The following SV2C variants were observed in gnomAD, a reference collection of about 807,000 sequenced individuals.
SV2C encodes solute carrier family 22 member B3.
Under a neutral mutation model 79.7 loss-of-function variants are expected in SV2C, and 49 were observed. The observed-to-expected ratio is 0.61, with a 90% CI of 0.49 to 0.78. SV2C has a LOEUF of 0.78. Among genes scored for constraint, SV2C ranks in the 30% least tolerant of loss-of-function variants. The pLI is 0.00. For missense variants in SV2C, 833 were observed against 912.9 expected (o/e 0.91, Z 1.13); for synonymous variants, 334 against 333.2 (o/e 1.00, Z -0.03).
intron 4 of SV2C, among the ~76,000 whole-genome samples, chr5:76,234,765 T>C (rs545038993): frequency 6.6e-6 from 1 of 152,298 alleles, no homozygotes; most frequent in East Asian, 1.9e-4. Flanking sequence ...AGTGAAAAAC[T>C]GAAGCTTCCT....
At chr5:75,870,775 G>A in the SV2C span, among the ~76,000 whole-genome samples, 2 of 151,196 alleles carry the variant, frequency 1.3e-5, no homozygotes, top group Non-Finnish European at 3.0e-5. Context: ...TAAAGAGAAC[G>A]GAAACAAATA....
the SV2C span, among the ~76,000 whole-genome samples, chr5:76,073,526 TATATATATATATATATATAC>T: frequency 4.5e-3 from 567 of 127,272 alleles, 8 homozygotes; most frequent in Admixed American, 7.8e-3. Flanking sequence ...TATATATATA[TATATATATATATATATATAC>T]ACCATGGAAT....
chr5:76,106,779 C>T (rs184883119), intron 1 of SV2C, among the ~76,000 whole-genome samples: 5 of 152,308 alleles, frequency 3.3e-5, no homozygotes, highest in African/African-American at 1.2e-4. Context: ...CAACCTATCC[C>T]CTCCCTACTC....
At chr5:76,254,937 G>A (rs1345994727) in intron 4 of SV2C, among the ~76,000 whole-genome samples, 1 of 152,124 alleles carries the variant, frequency 6.6e-6, no homozygotes, top group East Asian at 1.9e-4. Flanking sequence ...GAGACTCTAA[G>A]TGTTGATTTA....
intron 2 of SV2C, among the ~76,000 whole-genome samples, chr5:76,190,240 A>C (rs1191806785): frequency 1.3e-5 from 2 of 152,220 alleles, no homozygotes; most frequent in African/African-American, 4.8e-5. Flanking sequence ...GGACCACTGC[A>C]ATGGGTTTTG....
intron 2 of SV2C, 35 bp downstream of exon 2, chr5:76,132,365 A>C: frequency 1.3e-6 from 2 of 1,560,716 alleles, no homozygotes; most frequent in Non-Finnish European, 1.7e-6. Context: ...CAACTCTGAA[A>C]CTGGCTTATT....
intron 1 of SV2C, among the ~76,000 whole-genome samples, chr5:76,098,972 A>G (rs1228026490): frequency 6.6e-6 from 1 of 152,194 alleles, no homozygotes; most frequent in Non-Finnish European, 1.5e-5. Context: ...GATTAAAGGG[A>G]TGCTTTGCAA....
chr5:75,977,964 A>G, the SV2C span, among the ~76,000 whole-genome samples: 1 of 152,186 alleles, frequency 6.6e-6, no homozygotes, highest in Non-Finnish European at 1.5e-5. Context: ...CTCTCCAGCT[A>G]CTGCTCAGTT....
chr5:76,192,890 T>C (rs1714771358), intron 2 of SV2C, among the ~76,000 whole-genome samples: 1 of 152,248 alleles, frequency 6.6e-6, no homozygotes, highest in Non-Finnish European at 1.5e-5. Flanking sequence ...ACTAACTGTG[T>C]CAGTCATGGA....
intron 1 of SV2C, among the ~76,000 whole-genome samples, chr5:76,124,888 G>A (rs1028386306): frequency 2.6e-5 from 4 of 152,144 alleles, no homozygotes; most frequent in Non-Finnish European, 4.4e-5. Context: ...GAAAGATTCT[G>A]TACTAAATTG....
At chr5:75,952,903 C>T in the SV2C span, among the ~76,000 whole-genome samples, 1 of 152,002 alleles carries the variant, frequency 6.6e-6, no homozygotes, top group Non-Finnish European at 1.5e-5. Context: ...ATCTCCAAAG[C>T]TTACTTCTCC....
At chr5:75,927,486 G>A in the SV2C span, among the ~76,000 whole-genome samples, 33 of 151,986 alleles carry the variant, frequency 2.2e-4, no homozygotes, top group South Asian at 1.0e-3. Flanking sequence ...TGATTGCTAC[G>A]GGATGGGGGG....
the SV2C span, among the ~76,000 whole-genome samples, chr5:76,018,646 A>G: frequency 6.6e-6 from 1 of 152,206 alleles, no homozygotes; most frequent in Non-Finnish European, 1.5e-5. Flanking sequence ...TAATGTATCA[A>G]TGGTAATAGG....
chr5:76,026,129 A>C, the SV2C span, among the ~76,000 whole-genome samples: 2 of 151,488 alleles, frequency 1.3e-5, no homozygotes, highest in African/African-American at 4.8e-5. Flanking sequence ...GAGCATGGAA[A>C]AGGATTGAGA....
the SV2C span, among the ~76,000 whole-genome samples, chr5:75,900,021 A>G: frequency 4.7e-4 from 72 of 152,146 alleles, no homozygotes; most frequent in African/African-American, 1.5e-3. Context: ...TCTTTATCCA[A>G]TTTGCCAGTC....
chr5:76,013,994 G>T, the SV2C span, among the ~76,000 whole-genome samples: 1 of 152,060 alleles, frequency 6.6e-6, no homozygotes, highest in African/African-American at 2.4e-5. Flanking sequence ...GGCTTAGATT[G>T]TGAATGCTAA....
At chr5:76,087,702 T>A (rs541958564) in intron 1 of SV2C, among the ~76,000 whole-genome samples, 2 of 152,316 alleles carry the variant, frequency 1.3e-5, no homozygotes, top group African/African-American at 4.8e-5. Flanking sequence ...CAGATGCATT[T>A]GAACTAGTAC....
chr5:76,140,876 T>C (rs192534969), intron 2 of SV2C, among the ~76,000 whole-genome samples: 75 of 152,244 alleles, frequency 4.9e-4, no homozygotes, highest in Non-Finnish European at 7.9e-4. Context: ...TTGTTGTGTA[T>C]GCACCCTCTG....
chr5:76,288,007 C>T (rs1747409157), intron 6 of SV2C, among the ~76,000 whole-genome samples: 1 of 151,812 alleles, frequency 6.6e-6, no homozygotes, highest in African/African-American at 2.4e-5. Flanking sequence ...ATGGCTTGAG[C>T]CCAGGAGGCG....
Sources: allele counts gnomAD v4.1 joint callset (sites outside exome capture counted in the v4.1 genomes callset), GRCh38; gene constraint gnomAD v4.1.1; transcripts MANE v1.5; gene names NCBI Gene and HGNC (gene_info 2026-07-23, HGNC 2026-07-21).